The following IL17REL variants were observed in gnomAD, a reference collection of about 807,000 sequenced individuals.
The protein encoded by IL17REL is interleukin 17 receptor E like.
In IL17REL, 36 loss-of-function variants were observed where a neutral mutation model predicts 49.0. That is an observed-to-expected ratio of 0.73 (90% CI 0.56 to 0.97). The LOEUF is 0.97. IL17REL is among the 50% of genes least tolerant of loss of function. The probability of loss-of-function intolerance (pLI) is 0.00; values close to 1 mark genes in which losing one functional copy is unlikely to be tolerated. For missense variants in IL17REL, 470 were observed against 453.9 expected (o/e 1.04, Z -0.32); for synonymous variants, 206 against 192.4 (o/e 1.07, Z -0.58).
At chr22:49,998,436 C>T (rs1402174640) in intron 7 of IL17REL, 127 bp from the exon 10 acceptor site, 1 of 870,280 alleles carries the variant, frequency 1.1e-6, no homozygotes, top group Non-Finnish European at 1.7e-6. Flanking sequence ...GTCTCTGAGC[C>T]CTGGCTCAAG....
chr22:49,996,951 G>A, intron 12 of IL17REL, 43 bp downstream of exon 14: 1 of 1,036,104 alleles, frequency 9.7e-7, no homozygotes, highest in Non-Finnish European at 1.4e-6. Context: ...AGGTCCTGCA[G>A]TGGAGGAGAT....
chr22:49,998,185 C>T (rs376312584), exon 8 of IL17REL: 114 of 1,610,954 alleles, frequency 7.1e-5, no homozygotes, highest in Non-Finnish European at 9.2e-5. Flanking sequence ...GGCAGCCGGC[C>T]CCCGGCCCCG....
Position 49,997,910 on chromosome 22 carries a change from G to A in IL17REL, c.819+115C>T. The A allele has an allele frequency of 1.7e-5, 25 of 1,452,964 alleles. 1 individual carries two copies. The South Asian group carries it at 2.8e-4, about 16-fold the overall frequency. The allele number at this position is 1,452,964 out of a possible 1,614,324, so 90.0% of individuals were successfully genotyped here. A position where few individuals can be genotyped will look rare whatever the true frequency, so the allele number is the denominator to read the frequency against. On this transcript the variant is annotated intron_variant, in intron 9 of 12. Transcript: ENST00000341280. ...GTCAGACCAGGAGGGGGCTCTGAGG[G>A]ACGCCTGGGAGGCTAGGCTCCAGGG...
At chr22:50,008,213 C>T (rs1438082987) in intron 1 of IL17REL, among the ~76,000 whole-genome samples, 5 of 152,188 alleles carry the variant, frequency 3.3e-5, no homozygotes, top group Non-Finnish European at 5.9e-5. Flanking sequence ...TTCCTTGTGG[C>T]ATCTGCATCA....
intron 1 of IL17REL, among the ~76,000 whole-genome samples, chr22:50,007,993 C>A (rs2146760076): frequency 6.6e-6 from 1 of 152,220 alleles, no homozygotes; most frequent in South Asian, 2.1e-4. Flanking sequence ...AATCCCAGCA[C>A]TTTGGGAGGC....
At chr22:49,997,505 AC>A in intron 10 of IL17REL, 22 bp from the exon 13 acceptor site, 2 of 1,417,362 alleles carry the variant, frequency 1.4e-6, no homozygotes, top group Non-Finnish European at 2.0e-6. Context: ...GAAGGGTGAG[AC>A]CCCCATCCGG....
At chr22:50,012,079 CTGAG>C (rs66498467), upstream of IL17REL, among the ~76,000 whole-genome samples, 76,473 of 151,832 alleles carry the variant, frequency 0.5, 19,585 homozygotes, top group South Asian at 0.74. Flanking sequence ...TCCTGTAAGG[CTGAG>C]TGAGTGGGCT....
At chr22:49,997,998 C>T (rs1883389537) in intron 9 of IL17REL, 27 bp downstream of exon 11, 4 of 1,594,544 alleles carry the variant, frequency 2.5e-6, no homozygotes, top group Non-Finnish European at 3.4e-6. Flanking sequence ...CCAAATAGGG[C>T]ACTGGCAGGC....
chr22:50,006,971 A>AAG (rs1555949615), intron 1 of IL17REL, among the ~76,000 whole-genome samples: 44 of 149,436 alleles, frequency 2.9e-4, no homozygotes, highest in Admixed American at 6.7e-4. Context: ...AAAAAAAAAA[A>AAG]GGGAGGGGAT....
At chr22:49,997,821 G>A in intron 9 of IL17REL, 79 bp from the exon 12 acceptor site, 1 of 1,491,126 alleles carries the variant, frequency 6.7e-7, no homozygotes, top group Non-Finnish European at 9.3e-7. Flanking sequence ...GACAGGGACA[G>A]GCTGGGTCAG....
intron 1 of IL17REL, 104 bp from the exon 3 acceptor site, chr22:50,001,335 G>C: frequency 1.7e-6 from 1 of 601,010 alleles, no homozygotes; most frequent in Middle Eastern, 4.4e-4. Context: ...TGCAGTCTTT[G>C]CCAGGGGGTC....
At chr22:49,992,905 C>T (rs2146730757), downstream of IL17REL, among the ~76,000 whole-genome samples, 2 of 152,336 alleles carry the variant, frequency 1.3e-5, no homozygotes, top group South Asian at 2.1e-4. Flanking sequence ...GCGGGAGCCA[C>T]CGTGCCCAGA....
At chr22:49,996,756 A>G (rs772285061) in exon 13 of IL17REL, 1 of 447,792 alleles carries the variant, frequency 2.2e-6, no homozygotes, top group Non-Finnish European at 4.0e-6. Context: ...TGGGAGGCCT[A>G]GGTCTAGTCC....
rs1454545474 is a variant in IL17REL, at chr22:50,000,484, C to T, written c.328G>A (p.Val110Met). Residue 110 changes from valine to methionine, a missense_variant, in exon 4 of 13, where the codon GTG (valine) becomes ATG (methionine). Val to Met is a conservative substitution (Grantham distance 21, BLOSUM62 1). Transcript: ENST00000341280. The stretch of plus-strand genomic sequence containing the variant: ...GGGGCCCTGGGGACCCTACCTTCCA[C>T]GAGGTGCCTCTGGTCCAGCTGGACC... 2 of 1,612,236 alleles carry T rather than the reference C, an allele frequency of 1.2e-6. No individual in the cohort carries two copies. Among genetic ancestry groups the T allele is most frequent in the Admixed American group, 3.3e-5 (2 of 60,012 alleles).
In IL17REL at chr22:50,000,774, G is replaced by A. The variant is rs143091006; in HGVS notation, c.199C>T (p.Arg67Trp). The change falls in exon 3 of 13, where the codon CGG becomes TGG. Residue 67 changes from arginine (R) to tryptophan (W), a missense_variant. By Grantham distance (101) the Arg-to-Trp change is moderately radical (BLOSUM62 -3). Coordinates refer to ENST00000341280, the Ensembl canonical transcript of IL17REL. ...CTCACCTGCTGCCCCCCCTGCTGCC[G>A]GTGGGAGGCCCTGGCCACCCACACG... is the stretch of plus-strand genomic sequence containing the variant. The A allele has an allele frequency of 3.2e-4, 504 of 1,595,032 alleles. 3 individuals carry two copies. In the African/African-American group the frequency reaches 6.2e-3, roughly 20 times the overall value.
upstream of IL17REL, among the ~76,000 whole-genome samples, chr22:50,010,278 G>C (rs933646232): frequency 1.3e-5 from 2 of 152,232 alleles, no homozygotes; most frequent in African/African-American, 2.4e-5. Context: ...AGGGGCCGGC[G>C]GAGCTGACCC....
chr22:49,997,576 TC>T, intron 10 of IL17REL, 93 bp from the exon 13 acceptor site: 1 of 1,385,018 alleles, frequency 7.2e-7, no homozygotes, highest in Non-Finnish European at 1.0e-6. Flanking sequence ...CCACTGTACC[TC>T]CCCCACACTG....
At chr22:50,001,121 C>T (rs749390386) in exon 2 of IL17REL, 13 of 1,602,902 alleles carry the variant, frequency 8.1e-6, no homozygotes, top group African/African-American at 5.3e-5. Context: ...AGGAGCATCG[C>T]GCAGCCGTCA....
intron 1 of IL17REL, among the ~76,000 whole-genome samples, chr22:50,007,041 A>G (rs1266912420): frequency 6.6e-6 from 1 of 152,144 alleles, no homozygotes; most frequent in African/African-American, 2.4e-5. Context: ...CATAAAATTC[A>G]ATACCTATTC....
Sources: allele counts gnomAD v4.1 joint callset (sites outside exome capture counted in the v4.1 genomes callset), GRCh38; gene constraint gnomAD v4.1.1; transcripts MANE v1.5; gene names NCBI Gene and HGNC (gene_info 2026-07-23, HGNC 2026-07-21).